The following KCNAB1 variants were observed in gnomAD, a reference collection of about 807,000 sequenced individuals.
The protein encoded by KCNAB1 is potassium voltage-gated channel subfamily A regulatory beta subunit 1.
KCNAB1 carries 35 observed loss-of-function variants against 64.6 expected under a neutral mutation model. The ratio of observed to expected loss-of-function variants is 0.54; its 90% CI spans 0.41 to 0.72. KCNAB1 has a LOEUF of 0.72. Ranked by LOEUF, KCNAB1 falls within the 30% of genes least tolerant of loss-of-function variation. The pLI is 0.00. For synonymous variants in KCNAB1, 177 were observed against 183.8 expected, an observed-to-expected ratio of 0.96 and a Z score of 0.30; for missense variants, 401 against 512.9, an observed-to-expected ratio of 0.78 and a Z score of 2.11.
chr3:156,140,793 G>C lies in KCNAB1; in HGVS notation c.275+19907G>C, dbSNP rs531770770. On this transcript the variant is annotated intron_variant, in intron 1 of 13. Coordinates refer to ENST00000490337, the MANE Select transcript of KCNAB1 (RefSeq NM_172160.3). The stretch of plus-strand genomic sequence containing the variant: ...AACGGTTTAGAAGTGTGAAGTGAGG[G>C]CTTTAGGTTTGAATTGCAAGTGGAA... Among the ~76,000 whole-genome samples the C allele has an allele frequency of 2.6e-5, 4 of 152,294 alleles. No individual in the cohort carries two copies. The East Asian group carries it at 7.7e-4, about 29-fold the overall frequency.
At chr3:156,351,012 C>T (rs1012145012) in intron 1 of KCNAB1, among the ~76,000 whole-genome samples, 10 of 152,162 alleles carry the variant, frequency 6.6e-5, no homozygotes, top group Middle Eastern at 3.4e-3. Context: ...ACGTAGTGAA[C>T]GGAAGGAATC....
At chr3:156,176,002 C>T (rs1577673922) in intron 1 of KCNAB1, 1 of 879,982 alleles carries the variant, frequency 1.1e-6, no homozygotes, top group East Asian at 2.5e-5. Context: ...ATACACAAAC[C>T]TGTCGGCTGT....
intron 1 of KCNAB1, among the ~76,000 whole-genome samples, chr3:156,247,520 G>T (rs888934265): frequency 3.3e-5 from 5 of 152,068 alleles, no homozygotes; most frequent in Non-Finnish European, 7.4e-5. Context: ...CCTCCTCTGG[G>T]AATCTGGCCT....
At chr3:156,331,555 T>G (rs1338469135) in intron 1 of KCNAB1, among the ~76,000 whole-genome samples, 4 of 152,214 alleles carry the variant, frequency 2.6e-5, no homozygotes, top group Non-Finnish European at 5.9e-5. Context: ...ATACATAATT[T>G]TACATAAATG....
At chr3:156,258,795 C>G (rs1303640202) in intron 1 of KCNAB1, among the ~76,000 whole-genome samples, 2 of 152,198 alleles carry the variant, frequency 1.3e-5, no homozygotes, top group East Asian at 3.8e-4. Context: ...CTCTCTCTCC[C>G]CTTCCCCCAC....
At chr3:156,433,476 A>G (rs1008035264) in intron 2 of KCNAB1, among the ~76,000 whole-genome samples, 5 of 152,252 alleles carry the variant, frequency 3.3e-5, no homozygotes, top group African/African-American at 1.2e-4. Context: ...AAGGGAGGTC[A>G]TGTAAGGCTT....
In KCNAB1 at chr3:156,531,397, C is replaced by T; in HGVS notation, c.1082-12C>T. On this transcript the variant is annotated splice_polypyrimidine_tract_variant and intron_variant, in intron 12 of 13. Coordinates refer to ENST00000490337, the MANE Select transcript of KCNAB1 (RefSeq NM_172160.3). Reference sequence around the variant, plus strand: ...TGCTTTGATAAACTGACCCAGTGTCCTCTCCTCCCAGCGTGGTGCCTGAGA... The same window carrying T: ...TGCTTTGATAAACTGACCCAGTGTCTTCTCCTCCCAGCGTGGTGCCTGAGA... The T allele has an allele frequency of 1.2e-6, 2 of 1,602,742 alleles. No individual in the cohort carries two copies. The highest frequency in any genetic ancestry group is 2.2e-5 in the South Asian group (2 of 90,844).
intron 1 of KCNAB1, among the ~76,000 whole-genome samples, chr3:156,129,567 A>G (rs1354129592): frequency 6.6e-6 from 1 of 152,178 alleles, no homozygotes; most frequent in African/African-American, 2.4e-5. Flanking sequence ...AATCTGTGTG[A>G]CCTGGAACCT....
intron 1 of KCNAB1, among the ~76,000 whole-genome samples, chr3:156,163,455 G>T (rs1327716103): frequency 2.0e-5 from 3 of 152,170 alleles, no homozygotes; most frequent in Non-Finnish European, 4.4e-5. Flanking sequence ...ACCTCATGGT[G>T]AATGTGTAGG....
At chr3:156,297,381 A>C (rs1470656367) in intron 1 of KCNAB1, among the ~76,000 whole-genome samples, 1 of 151,174 alleles carries the variant, frequency 6.6e-6, no homozygotes, top group Non-Finnish European at 1.5e-5. Context: ...ATATTTAGAC[A>C]CGAGGGAACA....
intron 1 of KCNAB1, among the ~76,000 whole-genome samples, chr3:156,335,017 G>A (rs1389151231): frequency 6.6e-6 from 1 of 152,142 alleles, no homozygotes; most frequent in Non-Finnish European, 1.5e-5. Context: ...TGCTAAATTG[G>A]TCTTCCAGAA....
intron 1 of KCNAB1, among the ~76,000 whole-genome samples, chr3:156,196,822 G>A (rs1211846161): frequency 1.3e-5 from 2 of 152,168 alleles, no homozygotes; most frequent in African/African-American, 4.8e-5. Flanking sequence ...GCCCTGGCCA[G>A]AACTTCCAAC....
At chr3:156,228,296 G>T (rs915464318) in intron 1 of KCNAB1, among the ~76,000 whole-genome samples, 2 of 152,096 alleles carry the variant, frequency 1.3e-5, no homozygotes, top group Non-Finnish European at 2.9e-5. Context: ...TGAAAGCTTA[G>T]ATTTTGTGAT....
chr3:156,160,862 G>A (rs1016174868), intron 1 of KCNAB1, among the ~76,000 whole-genome samples: 2 of 152,216 alleles, frequency 1.3e-5, no homozygotes, highest in Non-Finnish European at 2.9e-5. Flanking sequence ...AATGCTCATT[G>A]ATCTAATTAG....
At chr3:156,212,891 G>A (rs1560139283) in intron 1 of KCNAB1, among the ~76,000 whole-genome samples, 2 of 152,016 alleles carry the variant, frequency 1.3e-5, no homozygotes, top group African/African-American at 4.8e-5. Flanking sequence ...AATTGTGACC[G>A]TGTCAGCTAG....
At chr3:156,190,449 A>T (rs907437794) in intron 1 of KCNAB1, among the ~76,000 whole-genome samples, 2 of 152,230 alleles carry the variant, frequency 1.3e-5, no homozygotes, top group Admixed American at 1.3e-4. Context: ...GAATCAGTGT[A>T]GACCATTTCT....
At chr3:156,118,511 T>C (rs115084528), upstream of KCNAB1, among the ~76,000 whole-genome samples, 622 of 152,322 alleles carry the variant, frequency 4.1e-3, 3 homozygotes, top group African/African-American at 0.014. Context: ...CACCTCTCAA[T>C]GACAGGAGTG....
intron 1 of KCNAB1, among the ~76,000 whole-genome samples, chr3:156,399,291 T>C (rs1713718032): frequency 6.6e-6 from 1 of 152,192 alleles, no homozygotes; most frequent in Admixed American, 6.5e-5. Flanking sequence ...GAAAACGTTC[T>C]TTCTAGAAAA....
At chr3:156,416,363 C>A (rs1252642172) in intron 1 of KCNAB1, among the ~76,000 whole-genome samples, 1 of 152,176 alleles carries the variant, frequency 6.6e-6, no homozygotes, top group African/African-American at 2.4e-5. Flanking sequence ...TTGCCTAGAA[C>A]GTATTTCAGT....
Sources: gnomAD v4.1 joint callset for allele counts (sites outside exome capture counted in the v4.1 genomes callset) on GRCh38, gnomAD v4.1.1 for gene constraint, MANE v1.5 for transcripts, NCBI Gene and HGNC (gene_info 2026-07-23, HGNC 2026-07-21) for gene names.